The following GALNT18 variants were observed in gnomAD, a reference collection of about 807,000 sequenced individuals.
GALNT18 encodes polypeptide N-acetylgalactosaminyltransferase 18.
In GALNT18, 44 loss-of-function variants were observed where a neutral mutation model predicts 69.5. That is an observed-to-expected ratio of 0.63 (90% CI 0.50 to 0.81). The LOEUF is 0.81. GALNT18 is among the 40% of genes least tolerant of loss of function. The pLI, the probability that GALNT18 is intolerant of heterozygous loss-of-function variation, is 0.00. For synonymous variants in GALNT18, 364 were observed against 318.2 expected (o/e 1.14, Z -1.53); for missense variants, 715 against 810.0 (o/e 0.88, Z 1.42).
intron 1 of GALNT18, among the ~76,000 whole-genome samples, chr11:11,517,429 G>T (rs2133922500): frequency 6.6e-6 from 1 of 152,206 alleles, no homozygotes; most frequent in Non-Finnish European, 1.5e-5. Context: ...TTCCTCCTGG[G>T]AAAAAATAAA....
Position 11,454,585 on chromosome 11 carries a change from C to G in GALNT18, c.236-5649G>C, listed in dbSNP as rs993027990. 6.6e-6 allele frequency among the ~76,000 whole-genome samples: 1 copy of G among 152,044 alleles called. No homozygotes were observed. Among genetic ancestry groups the G allele is most frequent in the African/African-American group, 2.4e-5 (1 of 41,360 alleles). ...AGATTCCACTGAAGGGTCCAAACAT[C>G]CCTCTTCCCAGAAACCCAGGCACAA... On this transcript the variant is annotated intron_variant, in intron 1 of 10. Transcript: ENST00000227756. This position sits in a 1 kb window ranked among gnomAD's most constrained non-coding sequence, Gnocchi z 4.2.
chr11:11,466,669 A>C (rs1590028231), intron 1 of GALNT18, among the ~76,000 whole-genome samples: 2 of 152,198 alleles, frequency 1.3e-5, no homozygotes, highest in South Asian at 4.1e-4. Context: ...GTGGCCAAAG[A>C]AGGTGCTTTG....
rs113721890 is a variant in GALNT18 at position 11,605,435 on chromosome 11, C to T, written c.235+15924G>A. ...TGCGAAACAGCAAGTCCTAACTTGC[C>T]AGGCCGCCAGTCACCGCCACCCTGA... On this transcript the variant is annotated intron_variant, in intron 1 of 10. Coordinates refer to ENST00000227756, the MANE Select transcript of GALNT18 (RefSeq NM_198516.3). The surrounding 1 kb of genome is among the most constrained non-coding windows in gnomAD (Gnocchi z 4.7). Among the ~76,000 whole-genome samples the T allele has an allele frequency of 3.5e-4, 53 of 152,300 alleles. No individual in the cohort carries two copies. The highest frequency in any genetic ancestry group is 1.3e-3 in the African/African-American group (52 of 41,570).
At chr11:11,611,168 TC>T (rs888314511) in intron 1 of GALNT18, among the ~76,000 whole-genome samples, 1 of 152,218 alleles carries the variant, frequency 6.6e-6, no homozygotes, top group African/African-American at 2.4e-5. Context: ...ACTTTTAACT[TC>T]CCAGCATATA....
intron 2 of GALNT18, among the ~76,000 whole-genome samples, chr11:11,434,262 C>T (rs2133797518): frequency 6.6e-6 from 1 of 152,226 alleles, no homozygotes; most frequent in African/African-American, 2.4e-5. Flanking sequence ...AAGGAGTTGA[C>T]CCTTTTCCTA....
intron 10 of GALNT18, among the ~76,000 whole-genome samples, chr11:11,273,389 A>G (rs1848867593): frequency 6.6e-6 from 1 of 152,220 alleles, no homozygotes; most frequent in Admixed American, 6.5e-5. Context: ...AATGGGCAAA[A>G]GATCTGAACA....
Position 11,494,680 on chromosome 11 carries a change from G to C in GALNT18, c.236-45744C>G, listed in dbSNP as rs1483694794. On this transcript the variant is annotated intron_variant, in intron 1 of 10. Transcript: ENST00000227756. This position sits in a 1 kb window ranked among gnomAD's most constrained non-coding sequence, Gnocchi z 5.7. ...TTGCTTTTAAGTGCAGAGGATTGGG[G>C]TGGATTTGACAGCAGTTCCTCTTCT... is the stretch of plus-strand genomic sequence containing the variant. Among the ~76,000 whole-genome samples the C allele has an allele frequency of 6.6e-6, 1 of 152,178 alleles. No individual in the cohort carries two copies. Among genetic ancestry groups the C allele is most frequent in the Non-Finnish European group, 1.5e-5 (1 of 68,040 alleles).
chr11:11,341,682 G>A lies in GALNT18; in HGVS notation c.1093-678C>T, dbSNP rs913302122. On this transcript the variant is annotated intron_variant, in intron 6 of 10. Coordinates refer to ENST00000227756, the MANE Select transcript of GALNT18 (RefSeq NM_198516.3). The surrounding 1 kb of genome is among the most constrained non-coding windows in gnomAD (Gnocchi z 6.3). Reference sequence around the variant, plus strand: ...TAATGGGCAGCATCTCAAAGCTCTCGCTACAATCTTTCCAGCCATCCTGAC... The same window carrying A: ...TAATGGGCAGCATCTCAAAGCTCTCACTACAATCTTTCCAGCCATCCTGAC... Among the ~76,000 whole-genome samples the A allele has an allele frequency of 7.9e-5, 12 of 152,164 alleles. No individual in the cohort carries two copies. The highest frequency in any genetic ancestry group is 2.9e-5 in the Non-Finnish European group (2 of 68,050).
intron 10 of GALNT18, among the ~76,000 whole-genome samples, chr11:11,280,742 C>T (rs977649795): frequency 3.0e-4 from 45 of 152,188 alleles, no homozygotes; most frequent in African/African-American, 1.0e-3. Flanking sequence ...CTCACTTATA[C>T]TGGACAAGAG....
At chr11:11,579,352 C>T (rs544381169) in intron 1 of GALNT18, among the ~76,000 whole-genome samples, 13 of 152,310 alleles carry the variant, frequency 8.5e-5, no homozygotes, top group South Asian at 4.1e-4. Context: ...GCAGGCTACT[C>T]GGCTGGGCTA....
chr11:11,413,767 T>A lies in GALNT18; in HGVS notation c.595+18854A>T. On this transcript the variant is annotated intron_variant, in intron 3 of 10. Coordinates refer to ENST00000227756, the MANE Select transcript of GALNT18 (RefSeq NM_198516.3). The surrounding 1 kb of genome is among the most constrained non-coding windows in gnomAD (Gnocchi z 4.7). The stretch of plus-strand genomic sequence containing the variant: ...GGTATTTCACCATTCTTCAAGAGGA[T>A]GACTGTGGAGCTAGCTGTGCAGCCA... 6.6e-6 allele frequency among the ~76,000 whole-genome samples: 1 copy of A among 152,182 alleles called. No individual in the cohort carries two copies. Among genetic ancestry groups the A allele is most frequent in the East Asian group, 1.9e-4 (1 of 5,194 alleles).
At position 11,603,281 on chromosome 11, in the gene GALNT18, T is replaced by C. The variant is rs1859675600; in HGVS notation, c.235+18078A>G. ...CAAGGCTGTAAACAGATTGTTTTGC[T>C]CCAACACTGGCTCAGTTACCACCTC... is the stretch of plus-strand genomic sequence containing the variant. On this transcript the variant is annotated intron_variant, in intron 1 of 10. Coordinates refer to ENST00000227756, the MANE Select transcript of GALNT18 (RefSeq NM_198516.3). The surrounding 1 kb of genome is among the most constrained non-coding windows in gnomAD (Gnocchi z 4.5). Among the ~76,000 whole-genome samples the C allele has an allele frequency of 6.6e-6, 1 of 152,180 alleles. No homozygotes were observed. The highest frequency in any genetic ancestry group is 1.5e-5 in the Non-Finnish European group (1 of 68,012).
intron 3 of GALNT18, among the ~76,000 whole-genome samples, chr11:11,384,373 A>G (rs529864229): frequency 6.6e-6 from 1 of 152,240 alleles, no homozygotes; most frequent in Non-Finnish European, 1.5e-5. Flanking sequence ...CAAGAACAAG[A>G]CGCTAGCATT....
chr11:11,576,610 A>T (rs1326323479), intron 1 of GALNT18, among the ~76,000 whole-genome samples: 1 of 152,228 alleles, frequency 6.6e-6, no homozygotes, highest in Non-Finnish European at 1.5e-5. Flanking sequence ...AGATTAGGAA[A>T]TTGAGGCCAC....
At chr11:11,441,321 A>C (rs948201333) in intron 2 of GALNT18, among the ~76,000 whole-genome samples, 2 of 152,212 alleles carry the variant, frequency 1.3e-5, no homozygotes, top group African/African-American at 2.4e-5. Flanking sequence ...ATTCAATGGC[A>C]AAATCATGAT....
At chr11:11,594,215 G>A (rs1859431720) in intron 1 of GALNT18, among the ~76,000 whole-genome samples, 1 of 152,204 alleles carries the variant, frequency 6.6e-6, no homozygotes, top group South Asian at 2.1e-4. Flanking sequence ...AGTCTTAAAT[G>A]CAGAAATGCT....
chr11:11,424,211 G>A (rs1237787915), intron 3 of GALNT18, among the ~76,000 whole-genome samples: 1 of 152,218 alleles, frequency 6.6e-6, no homozygotes, highest in African/African-American at 2.4e-5. Context: ...TGCCATTTTA[G>A]TGCATGTGGC....
Position 11,604,812 on chromosome 11 carries a change from C to T in GALNT18, c.235+16547G>A, listed in dbSNP as rs776750539. Among the ~76,000 whole-genome samples the T allele has an allele frequency of 2.6e-5, 4 of 152,204 alleles. No individual in the cohort carries two copies. Among genetic ancestry groups the T allele is most frequent in the Middle Eastern group, 3.4e-3 (1 of 294 alleles). On this transcript the variant is annotated intron_variant, in intron 1 of 10. Transcript: ENST00000227756. This position sits in a 1 kb window ranked among gnomAD's most constrained non-coding sequence, Gnocchi z 5.6. ...ATGCAGGGAGGCATAATTAGTTTCC[C>T]GGCCCATAGCTTCATTCCACTGGTC...
At chr11:11,288,381 C>G (rs1849234141) in intron 10 of GALNT18, among the ~76,000 whole-genome samples, 1 of 152,170 alleles carries the variant, frequency 6.6e-6, no homozygotes, top group South Asian at 2.1e-4. Context: ...GTCTCTACAA[C>G]CTTTATGATA....
Sources: gnomAD v4.1 joint callset for allele counts (sites outside exome capture counted in the v4.1 genomes callset) on GRCh38, gnomAD v4.1.1 for gene constraint, Gnocchi (gnomAD v3.1) non-coding constraint, MANE v1.5 for transcripts, NCBI Gene and HGNC (gene_info 2026-07-23, HGNC 2026-07-21) for gene names.